EYS: variants seen among roughly 807,000 people sequenced by gnomAD.
EYS encodes the protein protein eyes shut homolog.
Under a neutral mutation model 282.1 loss-of-function variants are expected in EYS, and 250 were observed. The ratio of observed to expected loss-of-function variants is 0.89; its 90% CI spans 0.80 to 0.98. The LOEUF is 0.98. EYS is among the 50% of genes least tolerant of loss of function. The pLI, the probability that EYS is intolerant of heterozygous loss-of-function variation, is 0.00. For missense variants in EYS, 4,016 were observed against 3,709.0 expected (o/e 1.08, Z -2.15); for synonymous variants, 1,355 against 1,282.9 (o/e 1.06, Z -1.20).
intron 35 of EYS, among the ~76,000 whole-genome samples, chr6:63,953,406 C>T (rs1005400126): frequency 6.6e-6 from 1 of 152,130 alleles, no homozygotes; most frequent in Non-Finnish European, 1.5e-5. Context: ...CCTCCAACAT[C>T]TGTTCTCAGA....
At chr6:65,120,639 A>T (rs1489557450) in intron 12 of EYS, among the ~76,000 whole-genome samples, 2 of 151,920 alleles carry the variant, frequency 1.3e-5, no homozygotes, top group Admixed American at 6.6e-5. Context: ...CCTCAGAGGG[A>T]CTCCAGTGCT....
chr6:63,809,645 A>G (rs1232720969), intron 36 of EYS, among the ~76,000 whole-genome samples: 1 of 152,148 alleles, frequency 6.6e-6, no homozygotes, highest in Non-Finnish European at 1.5e-5. Flanking sequence ...ATGCTCTGGG[A>G]TCATTTCAGG....
intron 30 of EYS, among the ~76,000 whole-genome samples, chr6:64,296,584 ACATATATATATATATTTTT>A (rs1561913814): frequency 8.5e-4 from 3 of 3,550 alleles, no homozygotes; most frequent in African/African-American, 4.4e-3. Context: ...ATATATATAT[ACATATATATATATATTTTT>A]TTTTTTTTTT....
chr6:64,591,498 C>A lies in EYS; in HGVS notation c.4369G>T (p.Ala1457Ser), dbSNP rs1323352411. ...GCCCCCCTAGAGACAACTGGAGTTG[C>A]ACTTATGGAGGCAGCTATAAGCAGG... ...GFLLIAASIS[A>S]TPVVSRGAQE... The change falls in exon 26 of 43, where the codon GCA becomes TCA. Residue 1457 changes from alanine to serine, a missense_variant. Ala to Ser is a moderately conservative substitution (Grantham distance 99). Coordinates refer to ENST00000503581, the MANE Select transcript of EYS (RefSeq NM_001142800.2). The A allele has an allele frequency of 2.6e-6, 4 of 1,551,232 alleles. No homozygotes were observed. In the South Asian group the frequency reaches 3.6e-5, roughly 14 times the overall value.
chr6:64,612,709 C>T (rs1767151684), intron 24 of EYS, among the ~76,000 whole-genome samples: 1 of 152,062 alleles, frequency 6.6e-6, no homozygotes, highest in South Asian at 2.1e-4. Flanking sequence ...CTTCCCATCT[C>T]CCTACCCAGC....
Position 65,121,974 on chromosome 6 carries a change from GA to G in EYS, c.2024-64248del, listed in dbSNP as rs549890142. Reference sequence around the variant, plus strand: ...AAAAAGAACACTAAAACTAAATTTGGAAAAAAAGTCATAAAATTTCTTATAT... The same window carrying G: ...AAAAAGAACACTAAAACTAAATTTGGAAAAAAGTCATAAAATTTCTTATAT... On this transcript the variant is annotated intron_variant, in intron 12 of 42. Transcript: ENST00000503581. 6.1e-3 allele frequency among the ~76,000 whole-genome samples: 930 copies of G among 151,544 alleles called. 11 individuals are homozygous for G. Among genetic ancestry groups the G allele is most frequent in the African/African-American group, 0.021 (881 of 41,308 alleles).
rs67661407 is a variant in EYS at position 65,153,363 on chromosome 6, A to ATGTGTG, written c.2024-95642_2024-95637dup. On this transcript the variant is annotated intron_variant, in intron 12 of 42. Transcript: ENST00000503581. ...ACCCACAGAAATTCAGAGATCATAA[A>ATGTGTG]TGTGTGTGTGTGTGTGTGTGTGTGT... Among the ~76,000 whole-genome samples, 389 of 135,846 alleles carry ATGTGTG rather than the reference A, an allele frequency of 2.9e-3. 4 individuals carry two copies. The highest frequency in any genetic ancestry group is 5.3e-3 in the East Asian group (23 of 4,300). The allele number at this position is 135,846 out of a possible 152,430, so 89.1% of individuals were successfully genotyped here. A position where few individuals can be genotyped will look rare whatever the true frequency, so the allele number is the denominator to read the frequency against.
chr6:64,047,644 T>A (rs1187904666), intron 33 of EYS, among the ~76,000 whole-genome samples: 1 of 152,232 alleles, frequency 6.6e-6, no homozygotes, highest in African/African-American at 2.4e-5. Context: ...GTTTGTCACA[T>A]AATAAGCACC....
At chr6:64,385,248 A>G (rs1022548372) in intron 29 of EYS, among the ~76,000 whole-genome samples, 15 of 152,326 alleles carry the variant, frequency 9.8e-5, no homozygotes, top group Admixed American at 6.5e-5. Context: ...TCATCTAGAT[A>G]CATTTTACAG....
intron 12 of EYS, among the ~76,000 whole-genome samples, chr6:65,220,823 G>T (rs374500304): frequency 2.6e-5 from 4 of 152,124 alleles, no homozygotes; most frequent in South Asian, 4.1e-4. Flanking sequence ...TGCTGACAGT[G>T]ATATGGACAA....
At chr6:64,021,673 A>G (rs1254798627) in intron 33 of EYS, among the ~76,000 whole-genome samples, 1 of 152,204 alleles carries the variant, frequency 6.6e-6, no homozygotes. Flanking sequence ...TGTAGGGAAT[A>G]CATTCACTAC....
chr6:63,776,099 A>C (rs1377235855), intron 40 of EYS, among the ~76,000 whole-genome samples: 1 of 152,130 alleles, frequency 6.6e-6, no homozygotes, highest in Non-Finnish European at 1.5e-5. Context: ...TTTGTTACTC[A>C]AATTTAGGCC....
In EYS at chr6:64,766,641, AAAAAAAAAATATATAT is replaced by A. The variant is rs1269737972; in HGVS notation, c.3443+46721_3443+46736del. ...AGTGAAACTCCGTCTCAAAAAAAAA[AAAAAAAAAATATATAT>A]ATATATATATATATATATATATATA... On this transcript the variant is annotated intron_variant, in intron 22 of 42. Coordinates refer to ENST00000503581, the MANE Select transcript of EYS (RefSeq NM_001142800.2). Among the ~76,000 whole-genome samples the A allele has an allele frequency of 3.8e-3, 19 of 5,040 alleles. 1 individual carries two copies. Among genetic ancestry groups the A allele is most frequent in the Non-Finnish European group, 7.6e-3 (11 of 1,456 alleles). 3.3% of individuals were successfully genotyped at this position (5,040 alleles called of 152,430 possible).
chr6:64,150,047 C>T (rs1251064742), intron 31 of EYS, among the ~76,000 whole-genome samples: 3 of 152,310 alleles, frequency 2.0e-5, no homozygotes, highest in South Asian at 4.1e-4. Context: ...TGGAACTATC[C>T]TGCAGTTCCT....
chr6:64,034,803 A>G (rs547543285), intron 33 of EYS, among the ~76,000 whole-genome samples: 1 of 152,326 alleles, frequency 6.6e-6, no homozygotes, highest in African/African-American at 2.4e-5. Flanking sequence ...CATACAGTGA[A>G]TAATGACAAG....
chr6:65,698,670 C>A (rs1261380139), intron 1 of EYS, among the ~76,000 whole-genome samples: 1 of 152,132 alleles, frequency 6.6e-6, no homozygotes, highest in African/African-American at 2.4e-5. Flanking sequence ...AAGGCACCTT[C>A]TGGTTTCTAT....
chr6:64,364,938 T>C (rs1361777021), intron 29 of EYS, among the ~76,000 whole-genome samples: 1 of 151,970 alleles, frequency 6.6e-6, no homozygotes, highest in Non-Finnish European at 1.5e-5. Context: ...AAAAGATGAC[T>C]ATTTTTAATG....
At chr6:63,847,150 C>T (rs1416790793) in intron 36 of EYS, among the ~76,000 whole-genome samples, 4 of 152,164 alleles carry the variant, frequency 2.6e-5, no homozygotes, top group Non-Finnish European at 5.9e-5. Flanking sequence ...TACAATATCA[C>T]CATTACAGCA....
Position 63,720,752 on chromosome 6 carries a change from A to G in EYS, c.9279T>C (p.Gly3093=), listed in dbSNP as rs1768345480. 1.8e-5 allele frequency: 28 copies of G among 1,550,490 alleles called. No homozygotes were observed. Among genetic ancestry groups the G allele is most frequent in the Non-Finnish European group, 2.2e-5 (25 of 1,146,320 alleles). ...CTTGAGTAACGATATTTACCTTTCT[A>G]CCATATTCAAAGCCCCCTAGATAAC... The part of the protein sequence containing the change: ...GICYLGGFEY[G]RKVNIVTQEI... Residue 3093 remains glycine, a synonymous_variant, in exon 43 of 43, where the codon GGT becomes GGC. Coordinates refer to ENST00000503581, the MANE Select transcript of EYS (RefSeq NM_001142800.2).
Sources: gnomAD v4.1 joint callset for allele counts (sites outside exome capture counted in the v4.1 genomes callset) on GRCh38, gnomAD v4.1.1 for gene constraint, MANE v1.5 for transcripts, NCBI Gene and HGNC (gene_info 2026-07-23, HGNC 2026-07-21) for gene names.